Variants in C12orf54 observed in about 807,000 individuals in gnomAD.
C12orf54 encodes the protein chromosome 12 open reading frame 54, also known as uncharacterized protein C12orf54.
A neutral mutation model predicts 26.4 loss-of-function variants in C12orf54; 24 were observed. That is an observed-to-expected ratio of 0.91 (90% CI 0.66 to 1.28). The LOEUF is 1.28. Among genes scored for constraint, C12orf54 ranks in the 50% most tolerant of loss-of-function variants. C12orf54 has a pLI of 0.00. For synonymous variants in C12orf54, 54 were observed against 47.0 expected (o/e 1.15, Z -0.61); for missense variants, 154 against 150.9 (o/e 1.02, Z -0.11).
chr12:48,468,164 C>T, the C12orf54 span, among the ~76,000 whole-genome samples: 1 of 152,182 alleles, frequency 6.6e-6, no homozygotes, highest in East Asian at 1.9e-4. Context: ...TTATAATGTC[C>T]AGTGGGGATT....
chr12:48,457,928 G>A, the C12orf54 span, among the ~76,000 whole-genome samples: 24 of 152,282 alleles, frequency 1.6e-4, no homozygotes, highest in East Asian at 4.1e-3. Flanking sequence ...TGTCCCTTCA[G>A]GCCCCAGCAG....
At chr12:48,441,242 T>A in the C12orf54 span, among the ~76,000 whole-genome samples, 1,535 of 152,330 alleles carry the variant, frequency 0.01, 12 homozygotes, top group Non-Finnish European at 0.017. Flanking sequence ...ATAACTCTAG[T>A]GATCTTATCA....
chr12:48,426,985 C>T, the C12orf54 span, among the ~76,000 whole-genome samples: 1 of 151,892 alleles, frequency 6.6e-6, no homozygotes, highest in Non-Finnish European at 1.5e-5. Context: ...TTGAGCCATG[C>T]CCATGGGGTT....
chr12:48,495,127 G>A lies in C12orf54; in HGVS notation c.*40+148G>A. On this transcript the variant is annotated intron_variant, in intron 8 of 8. Coordinates refer to ENST00000548364, the MANE Select transcript of C12orf54 (RefSeq NM_152319.4). ...TCATACAAGGGGCAATAGGGTGAGA[G>A]GGTGGACAAGTGAAGGCAGGGCTAG... 1 of 600,524 alleles carries A rather than the reference G, an allele frequency of 1.7e-6. No homozygotes were observed. Among genetic ancestry groups the A allele is most frequent in the Non-Finnish European group, 2.8e-6 (1 of 353,494 alleles). The allele number at this position is 600,524 out of a possible 1,614,324, so 37.2% of individuals were successfully genotyped here.
the C12orf54 span, among the ~76,000 whole-genome samples, chr12:48,438,257 T>C: frequency 6.6e-6 from 1 of 152,060 alleles, no homozygotes; most frequent in Admixed American, 6.5e-5. Flanking sequence ...TAAAAGAGGA[T>C]ACAAACAAAT....
At chr12:48,482,177 T>C (rs1030216995), upstream of C12orf54, among the ~76,000 whole-genome samples, 6 of 152,208 alleles carry the variant, frequency 3.9e-5, no homozygotes, top group Non-Finnish European at 1.5e-5. Flanking sequence ...CTGAAGGACC[T>C]AGCTCTTGAA....
the C12orf54 span, among the ~76,000 whole-genome samples, chr12:48,430,784 A>T: frequency 6.6e-6 from 1 of 152,226 alleles, no homozygotes; most frequent in Non-Finnish European, 1.5e-5. Context: ...TGATTCAGCA[A>T]TCTCACTACT....
chr12:48,460,718 G>C, the C12orf54 span, among the ~76,000 whole-genome samples: 1 of 152,096 alleles, frequency 6.6e-6, no homozygotes, highest in Non-Finnish European at 1.5e-5. Flanking sequence ...AAGTCTACTT[G>C]AAGGTAGACT....
the C12orf54 span, among the ~76,000 whole-genome samples, chr12:48,433,455 T>G: frequency 5.6e-4 from 76 of 134,938 alleles, no homozygotes; most frequent in African/African-American, 1.1e-3. Flanking sequence ...AGCTTTTTTT[T>G]GGGGGGGGGG....
chr12:48,428,654 C>T, the C12orf54 span, among the ~76,000 whole-genome samples: 1 of 151,948 alleles, frequency 6.6e-6, no homozygotes, highest in Non-Finnish European at 1.5e-5. Context: ...CAATAACAAG[C>T]AGTGAGATTA....
chr12:48,431,775 C>T, the C12orf54 span, among the ~76,000 whole-genome samples: 1 of 151,990 alleles, frequency 6.6e-6, no homozygotes, highest in Admixed American at 6.6e-5. Flanking sequence ...AATCTATATA[C>T]ATAAAAAGTA....
chr12:48,459,655 C>T, the C12orf54 span, among the ~76,000 whole-genome samples: 12 of 152,154 alleles, frequency 7.9e-5, no homozygotes, highest in African/African-American at 2.9e-4. Context: ...TAGAAAGACT[C>T]ACATGACTCA....
chr12:48,473,364 G>C, the C12orf54 span: 1 of 1,098,594 alleles, frequency 9.1e-7, no homozygotes, highest in East Asian at 2.6e-5. Flanking sequence ...AGAAGAAAGG[G>C]GTCAGAAGCG....
At chr12:48,476,461 A>C in the C12orf54 span, among the ~76,000 whole-genome samples, 1 of 152,202 alleles carries the variant, frequency 6.6e-6, no homozygotes, top group Non-Finnish European at 1.5e-5. Flanking sequence ...AAATTGGATA[A>C]AGAGTCAAGA....
At chr12:48,448,769 G>C in the C12orf54 span, among the ~76,000 whole-genome samples, 1 of 152,310 alleles carries the variant, frequency 6.6e-6, no homozygotes, top group African/African-American at 2.4e-5. Flanking sequence ...TTGATGAAGA[G>C]TCTAACTCTG....
chr12:48,488,342 C>T, intron 4 of C12orf54: 1 of 519,204 alleles, frequency 1.9e-6, no homozygotes, highest in Non-Finnish European at 3.6e-6. Flanking sequence ...ATGCTGTGCC[C>T]CCTGGTGCCG....
chr12:48,424,603 T>C, the C12orf54 span, among the ~76,000 whole-genome samples: 5 of 152,100 alleles, frequency 3.3e-5, no homozygotes, highest in African/African-American at 1.2e-4. Flanking sequence ...ATGTTGCCAA[T>C]GGGAATACAG....
the C12orf54 span, among the ~76,000 whole-genome samples, chr12:48,462,859 C>G: frequency 6.6e-5 from 10 of 151,732 alleles, no homozygotes; most frequent in Non-Finnish European, 1.3e-4. Flanking sequence ...CTGCTCTCAC[C>G]ACTTCTATTA....
chr12:48,462,571 C>T, the C12orf54 span, among the ~76,000 whole-genome samples: 2 of 151,504 alleles, frequency 1.3e-5, no homozygotes, highest in African/African-American at 4.8e-5. Context: ...AAGAATGCAA[C>T]ATTGGTTTAA....
Sources: allele counts gnomAD v4.1 joint callset (sites outside exome capture counted in the v4.1 genomes callset), GRCh38; gene constraint gnomAD v4.1.1; transcripts MANE v1.5; gene names NCBI Gene and HGNC (gene_info 2026-07-23, HGNC 2026-07-21).